ST6GALNAC3: variants seen among roughly 807,000 people sequenced by gnomAD.
The protein encoded by ST6GALNAC3 is alpha-N-acetylgalactosaminide alpha-2,6-sialyltransferase 3.
Under a neutral mutation model 32.7 loss-of-function variants are expected in ST6GALNAC3, and 25 were observed. The observed-to-expected ratio is 0.76, with a 90% confidence interval of 0.56 to 1.07. ST6GALNAC3 has a LOEUF of 1.07. ST6GALNAC3 is among the 50% of genes least tolerant of loss of function. The pLI is 0.00. For synonymous variants in ST6GALNAC3, 129 were observed against 133.1 expected (o/e 0.97, Z 0.21); for missense variants, 355 against 382.4 (o/e 0.93, Z 0.60).
chr1:76,634,170 A>G lies in ST6GALNAC3; in HGVS notation c.*5364A>G. 1.0e-6 allele frequency: 1 copy of G among 984,934 alleles called. No individual in the cohort carries two copies. The highest frequency in any genetic ancestry group is 1.2e-6 in the Non-Finnish European group (1 of 829,490). 61.0% of individuals were successfully genotyped at this position (984,934 alleles called of 1,614,324 possible). ...CACGCCTTGAAGACTTCAGAAAAAT[A>G]GAAGCTCACTTCCTTCCATAAAGGT... On this transcript the variant is annotated 3_prime_UTR_variant, in exon 5 of 5. Coordinates refer to ENST00000328299, the MANE Select transcript of ST6GALNAC3 (RefSeq NM_152996.4).
intron 3 of ST6GALNAC3, among the ~76,000 whole-genome samples, chr1:76,616,726 T>C (rs1195067257): frequency 2.0e-5 from 3 of 152,140 alleles, no homozygotes; most frequent in Non-Finnish European, 4.4e-5. Context: ...ATTAGCCTCC[T>C]TCTAGTGAGC....
intron 3 of ST6GALNAC3, among the ~76,000 whole-genome samples, chr1:76,572,815 A>C (rs1646731043): frequency 6.6e-6 from 1 of 152,136 alleles, no homozygotes; most frequent in South Asian, 2.1e-4. Context: ...GCAGCTAAGA[A>C]ATTTTTCAGC....
intron 1 of ST6GALNAC3, among the ~76,000 whole-genome samples, chr1:76,294,190 C>T (rs1474460440): frequency 1.3e-5 from 2 of 152,064 alleles, no homozygotes; most frequent in Non-Finnish European, 2.9e-5. Context: ...TCTTTACTGC[C>T]ATTAGTCAGT....
chr1:76,522,341 T>C (rs1199687273), intron 3 of ST6GALNAC3, among the ~76,000 whole-genome samples: 1 of 152,182 alleles, frequency 6.6e-6, no homozygotes, highest in Non-Finnish European at 1.5e-5. Flanking sequence ...TTTTCTTCAA[T>C]TTGGAAATTT....
At chr1:76,525,791 G>GTATATATATATATATATATATA (rs199721572) in intron 3 of ST6GALNAC3, among the ~76,000 whole-genome samples, 2 of 75,526 alleles carry the variant, frequency 2.6e-5, no homozygotes, top group Non-Finnish European at 6.0e-5. Context: ...GTGTGTGTGT[G>GTATATATATATATATATATATA]TATATATATA....
chr1:76,544,715 G>A (rs1015570709), intron 3 of ST6GALNAC3, among the ~76,000 whole-genome samples: 1 of 152,158 alleles, frequency 6.6e-6, no homozygotes, highest in Non-Finnish European at 1.5e-5. Context: ...GAAGATACAG[G>A]TGTCAGAAGA....
At chr1:76,361,882 GC>G in intron 2 of ST6GALNAC3, among the ~76,000 whole-genome samples, 1 of 151,688 alleles carries the variant, frequency 6.6e-6, no homozygotes, top group Non-Finnish European at 1.5e-5. Flanking sequence ...GGAGGCTGAA[GC>G]AGGAGAATCA....
At chr1:76,481,488 A>G (rs1659719953) in intron 3 of ST6GALNAC3, among the ~76,000 whole-genome samples, 1 of 152,168 alleles carries the variant, frequency 6.6e-6, no homozygotes, top group African/African-American at 2.4e-5. Flanking sequence ...GGTCATTTTT[A>G]GACTTCTATA....
chr1:76,522,441 C>G (rs903698572), intron 3 of ST6GALNAC3, among the ~76,000 whole-genome samples: 1 of 152,034 alleles, frequency 6.6e-6, no homozygotes, highest in Non-Finnish European at 1.5e-5. Flanking sequence ...TGCAATTTCT[C>G]TTTCTCTCTA....
chr1:76,630,858 A>G lies in ST6GALNAC3; in HGVS notation c.*2052A>G. On this transcript the variant is annotated 3_prime_UTR_variant, in exon 5 of 5. Coordinates refer to ENST00000328299, the MANE Select transcript of ST6GALNAC3 (RefSeq NM_152996.4). ...AGATAGAAATGCCCACTCAAAGAAA[A>G]ATAAACAGAGACAAATGTTAAAATT... The G allele has an allele frequency of 2.0e-6, 2 of 985,702 alleles. No homozygotes were observed. The highest frequency in any genetic ancestry group is 2.4e-6 in the Non-Finnish European group (2 of 829,844). The allele number at this position is 985,702 out of a possible 1,614,324, so 61.1% of individuals were successfully genotyped here. A position where few individuals can be genotyped will look rare whatever the true frequency, so the allele number is the denominator to read the frequency against.
intron 1 of ST6GALNAC3, among the ~76,000 whole-genome samples, chr1:76,092,766 C>G (rs1647066921): frequency 6.6e-6 from 1 of 152,172 alleles, no homozygotes; most frequent in Non-Finnish European, 1.5e-5. Flanking sequence ...GTTGGTCCTG[C>G]CTAGCCAAAT....
At chr1:76,294,446 A>G (rs927156265) in intron 1 of ST6GALNAC3, among the ~76,000 whole-genome samples, 32 of 152,254 alleles carry the variant, frequency 2.1e-4, no homozygotes, top group Admixed American at 3.3e-4. Context: ...ACTGCAGTCC[A>G]AAGAGGACTA....
At chr1:76,257,575 C>A (rs897577108) in intron 1 of ST6GALNAC3, among the ~76,000 whole-genome samples, 3 of 152,114 alleles carry the variant, frequency 2.0e-5, no homozygotes, top group African/African-American at 7.2e-5. Flanking sequence ...TTTAGTTGTG[C>A]CGTTCAGTAA....
At chr1:76,468,422 G>A (rs1201009759) in intron 3 of ST6GALNAC3, among the ~76,000 whole-genome samples, 1 of 151,998 alleles carries the variant, frequency 6.6e-6, no homozygotes, top group Non-Finnish European at 1.5e-5. Flanking sequence ...TTTGCAAATA[G>A]AAAATCCTGA....
intron 3 of ST6GALNAC3, among the ~76,000 whole-genome samples, chr1:76,575,450 G>C (rs958128172): frequency 6.6e-6 from 1 of 152,100 alleles, no homozygotes; most frequent in African/African-American, 2.4e-5. Context: ...AGTACTAAAT[G>C]TAAGAAATCC....
chr1:76,159,654 G>A (rs991433953), intron 1 of ST6GALNAC3, among the ~76,000 whole-genome samples: 3 of 152,214 alleles, frequency 2.0e-5, no homozygotes, highest in African/African-American at 7.2e-5. Context: ...GGATAGATGA[G>A]ACCCATTAAG....
chr1:76,161,815 C>A (rs2100380070), intron 1 of ST6GALNAC3, among the ~76,000 whole-genome samples: 1 of 152,342 alleles, frequency 6.6e-6, no homozygotes, highest in African/African-American at 2.4e-5. Flanking sequence ...CAGTTAAACA[C>A]AGTGCCTCAT....
intron 1 of ST6GALNAC3, among the ~76,000 whole-genome samples, chr1:76,215,566 C>A (rs974906421): frequency 6.6e-6 from 1 of 152,108 alleles, no homozygotes; most frequent in Non-Finnish European, 1.5e-5. Flanking sequence ...GATTTCTGTT[C>A]GCTCCACTTT....
intron 2 of ST6GALNAC3, 43 bp from the exon 3 acceptor site, chr1:76,411,965 G>A (rs753207849): frequency 3.8e-6 from 6 of 1,581,018 alleles, no homozygotes; most frequent in Non-Finnish European, 5.2e-6. Flanking sequence ...GTTTGACTAA[G>A]TGGAATTTAC....
Sources: allele counts gnomAD v4.1 joint callset (sites outside exome capture counted in the v4.1 genomes callset), GRCh38; gene constraint gnomAD v4.1.1; transcripts MANE v1.5; gene names NCBI Gene and HGNC (gene_info 2026-07-23, HGNC 2026-07-21).